DPP10: variants seen among roughly 807,000 people sequenced by gnomAD.
DPP10 encodes the protein inactive dipeptidyl peptidase 10.
In DPP10, 33 loss-of-function variants were observed where a neutral mutation model predicts 120.9. The ratio of observed to expected loss-of-function variants is 0.27; its 90% CI spans 0.21 to 0.37. DPP10 has a LOEUF of 0.37. Ranked by LOEUF, DPP10 falls within the 10% of genes least tolerant of loss-of-function variation. The probability of loss-of-function intolerance (pLI) is 1.00; values close to 1 mark genes in which losing one functional copy is unlikely to be tolerated. For missense variants in DPP10, 816 were observed against 942.8 expected (o/e 0.87, Z 1.76); for synonymous variants, 337 against 326.1 (o/e 1.03, Z -0.36).
chr2:114,557,446 C>A (rs574423491), intron 1 of DPP10, among the ~76,000 whole-genome samples: 2 of 152,260 alleles, frequency 1.3e-5, no homozygotes, highest in Non-Finnish European at 2.9e-5. Context: ...GAAGTGGAGA[C>A]CAACACGCCA....
At chr2:115,413,716 C>T (rs1364925492) in intron 3 of DPP10, among the ~76,000 whole-genome samples, 1 of 152,134 alleles carries the variant, frequency 6.6e-6, no homozygotes, top group Admixed American at 6.6e-5. Flanking sequence ...TTTTCCAGAC[C>T]TCACATTTAG....
chr2:115,407,088 C>A (rs185662072), intron 3 of DPP10, among the ~76,000 whole-genome samples: 1 of 152,268 alleles, frequency 6.6e-6, no homozygotes, highest in Admixed American at 6.5e-5. Context: ...CAGATCGAAT[C>A]CCAGGTCACC....
intron 1 of DPP10, among the ~76,000 whole-genome samples, chr2:114,813,948 ACACAC>A (rs1685402231): frequency 7.9e-6 from 1 of 126,314 alleles, no homozygotes; most frequent in Non-Finnish European, 1.6e-5. Flanking sequence ...ATGAACACAC[ACACAC>A]ACACACACAC....
intron 1 of DPP10, among the ~76,000 whole-genome samples, chr2:114,575,065 T>C (rs553624839): frequency 1.3e-5 from 2 of 152,102 alleles, no homozygotes; most frequent in Non-Finnish European, 2.9e-5. Flanking sequence ...GCATGCTCCA[T>C]TTATTAGTAT....
chr2:115,187,665 T>C (rs549934020), intron 1 of DPP10, among the ~76,000 whole-genome samples: 1 of 152,166 alleles, frequency 6.6e-6, no homozygotes, highest in African/African-American at 2.4e-5. Context: ...TTAAAGCAGC[T>C]GGGAAGCAGG....
At chr2:114,636,878 A>G (rs1695342475) in intron 1 of DPP10, among the ~76,000 whole-genome samples, 1 of 151,818 alleles carries the variant, frequency 6.6e-6, no homozygotes, top group Non-Finnish European at 1.5e-5. Flanking sequence ...TGGATGGTGG[A>G]GGAAGTGAGG....
intron 1 of DPP10, among the ~76,000 whole-genome samples, chr2:115,283,869 T>C (rs2105889270): frequency 6.6e-6 from 1 of 152,148 alleles, no homozygotes; most frequent in East Asian, 1.9e-4. Flanking sequence ...GCCTGTAGTA[T>C]TTAGTACAGT....
At chr2:114,583,589 G>A (rs900834886) in intron 1 of DPP10, among the ~76,000 whole-genome samples, 3 of 152,138 alleles carry the variant, frequency 2.0e-5, no homozygotes, top group African/African-American at 7.2e-5. Context: ...TTAAATCATA[G>A]TTTCTTGCAG....
At chr2:115,122,974 G>A (rs565085579) in intron 1 of DPP10, among the ~76,000 whole-genome samples, 1 of 152,260 alleles carries the variant, frequency 6.6e-6, no homozygotes, top group Admixed American at 6.5e-5. Context: ...GAGTGAAAGG[G>A]GAGAAAGAAT....
intron 1 of DPP10, among the ~76,000 whole-genome samples, chr2:115,096,387 A>C (rs184743002): frequency 6.6e-6 from 1 of 152,210 alleles, no homozygotes; most frequent in Non-Finnish European, 1.5e-5. Flanking sequence ...GCGTTCAAGC[A>C]ATGTACAAAT....
intron 1 of DPP10, among the ~76,000 whole-genome samples, chr2:114,675,071 G>A (rs718062): frequency 0.32 from 49,192 of 151,870 alleles, 8,176 homozygotes; most frequent in South Asian, 0.45. Context: ...TTTTCCCAAC[G>A]GCCTGTCTTA....
rs13407255 is a variant in DPP10 at position 114,891,474 on chromosome 2, G to A, written c.61-417765G>A. On this transcript the variant is annotated intron_variant, in intron 1 of 25. Transcript: ENST00000410059. The stretch of plus-strand genomic sequence containing the variant: ...ATGTTAAACACCAGATAAATGGAAA[G>A]GTTTGTGATTAAAAATTAAGTTTCA... Among the ~76,000 whole-genome samples the A allele has an allele frequency of 3.2e-3, 491 of 152,260 alleles. 3 individuals are homozygous for A. Among genetic ancestry groups the A allele is most frequent in the African/African-American group, 0.011 (473 of 41,542 alleles).
At chr2:115,367,706 G>T (rs2065161095) in intron 3 of DPP10, among the ~76,000 whole-genome samples, 1 of 151,942 alleles carries the variant, frequency 6.6e-6, no homozygotes, top group Non-Finnish European at 1.5e-5. Flanking sequence ...AATTATTAAT[G>T]AATAACAAGC....
intron 1 of DPP10, among the ~76,000 whole-genome samples, chr2:114,889,883 A>G (rs944814428): frequency 3.9e-5 from 6 of 152,212 alleles, no homozygotes; most frequent in Admixed American, 1.3e-4. Context: ...CATGCTGTAT[A>G]CCTCTTTATG....
At chr2:115,423,940 C>T (rs1410949419) in intron 3 of DPP10, among the ~76,000 whole-genome samples, 1 of 152,006 alleles carries the variant, frequency 6.6e-6, no homozygotes, top group East Asian at 1.9e-4. Flanking sequence ...CATGGTTATG[C>T]CAAACTCCTC....
intron 13 of DPP10, among the ~76,000 whole-genome samples, chr2:115,770,144 A>G (rs952769618): frequency 9.9e-5 from 15 of 152,054 alleles, no homozygotes; most frequent in Admixed American, 1.3e-4. Context: ...ATATTTTTGT[A>G]TCCATTATTC....
chr2:115,305,274 G>A (rs1414307613), intron 1 of DPP10, among the ~76,000 whole-genome samples: 3 of 152,004 alleles, frequency 2.0e-5, no homozygotes, highest in Admixed American at 6.6e-5. Flanking sequence ...TACCTGTTCT[G>A]TTGGTCTGGC....
At chr2:114,646,134 T>A (rs571190921) in intron 1 of DPP10, among the ~76,000 whole-genome samples, 1 of 151,292 alleles carries the variant, frequency 6.6e-6, no homozygotes, top group East Asian at 1.9e-4. Context: ...CACTCCAGCC[T>A]GGGTGACAGA....
At chr2:115,344,592 CT>C (rs752219411) in intron 3 of DPP10, among the ~76,000 whole-genome samples, 8 of 151,816 alleles carry the variant, frequency 5.3e-5, no homozygotes, top group Non-Finnish European at 8.8e-5. Flanking sequence ...GCAAATAGGA[CT>C]CCTTAGGTTC....
Sources: gnomAD v4.1 joint callset for allele counts (sites outside exome capture counted in the v4.1 genomes callset) on GRCh38, gnomAD v4.1.1 for gene constraint, MANE v1.5 for transcripts, NCBI Gene and HGNC (gene_info 2026-07-23, HGNC 2026-07-21) for gene names.